The following PRDM10 variants were observed in gnomAD, a reference collection of about 807,000 sequenced individuals.
PRDM10 encodes the protein PR domain zinc finger protein 10.
In PRDM10, 65 loss-of-function variants were observed where a neutral mutation model predicts 133.1. That is an observed-to-expected ratio of 0.49 (90% CI 0.40 to 0.60). The LOEUF is 0.60. Ranked by LOEUF, PRDM10 falls within the 20% of genes least tolerant of loss-of-function variation. The pLI is 0.00. For missense variants in PRDM10, 1,137 were observed against 1,507.1 expected (o/e 0.75, Z 4.07); for synonymous variants, 582 against 580.4 (o/e 1.00, Z -0.04).
At chr11:129,935,043 A>G in intron 9 of PRDM10, 58 bp downstream of exon 9, 2 of 1,438,200 alleles carry the variant, frequency 1.4e-6, no homozygotes, top group South Asian at 1.1e-5. Context: ...TGGACAATAT[A>G]GAAATGATTC....
chr11:129,913,919 A>G (rs1345335248), intron 17 of PRDM10, among the ~76,000 whole-genome samples: 1 of 152,238 alleles, frequency 6.6e-6, no homozygotes, highest in Non-Finnish European at 1.5e-5. Context: ...TTAGTTCCTT[A>G]GTCAATAAGA....
Position 129,960,970 on chromosome 11 carries a change from C to T in PRDM10, c.-6G>A. 1 of 1,614,054 alleles carries T rather than the reference C, an allele frequency of 6.2e-7. No individual in the cohort carries two copies. Among genetic ancestry groups the T allele is most frequent in the Non-Finnish European group, 8.5e-7 (1 of 1,179,994 alleles). ...CTTTCATCTTTGGAATCCATCTTCT[C>T]CCAACTGGACAGCTCCACGTCTGGC... is the stretch of plus-strand genomic sequence containing the variant. On this transcript the variant is annotated 5_prime_UTR_variant, in exon 2 of 21. Coordinates refer to ENST00000360871, the MANE Select transcript of PRDM10 (RefSeq NM_199437.2).
chr11:129,909,333 C>T (rs1327921423), intron 19 of PRDM10, among the ~76,000 whole-genome samples: 1 of 151,672 alleles, frequency 6.6e-6, no homozygotes, highest in Non-Finnish European at 1.5e-5. Flanking sequence ...GCCTGTAATC[C>T]CAGCTACTCA....
chr11:130,000,768 T>C (rs1939310899), intron 1 of PRDM10, among the ~76,000 whole-genome samples: 1 of 152,200 alleles, frequency 6.6e-6, no homozygotes, highest in South Asian at 2.1e-4. Context: ...CTGTTCACTT[T>C]AAAATGGTTC....
At position 129,917,960 on chromosome 11, in the gene PRDM10, G is replaced by A. The variant is rs571906214; in HGVS notation, c.2214+579C>T. Among the ~76,000 whole-genome samples the A allele has an allele frequency of 5.9e-5, 9 of 152,166 alleles. No individual in the cohort carries two copies. The South Asian group carries it at 8.3e-4, about 14-fold the overall frequency. On this transcript the variant is annotated intron_variant, in intron 14 of 20. Transcript: ENST00000360871. ...AGCCTTGCCAAAATGGTGAAACCCC[G>A]TGTCTACTAAAAATACAAAAATTAG...
At chr11:129,915,080 A>C in intron 16 of PRDM10, 62 bp from the exon 17 acceptor site, 3 of 1,492,858 alleles carry the variant, frequency 2.0e-6, no homozygotes, top group Non-Finnish European at 2.7e-6. Flanking sequence ...CGTTTTTCTC[A>C]TATGTAAATC....
chr11:129,986,922 G>A (rs534234651), intron 1 of PRDM10, among the ~76,000 whole-genome samples: 1 of 152,288 alleles, frequency 6.6e-6, no homozygotes, highest in East Asian at 1.9e-4. Context: ...ACACTCAACA[G>A]TGCTCATTGT....
intron 1 of PRDM10, among the ~76,000 whole-genome samples, chr11:129,965,210 C>T (rs1951880262): frequency 2.0e-5 from 3 of 151,504 alleles, no homozygotes. Flanking sequence ...CACTGCACTC[C>T]AGCCTGGGCG....
intron 9 of PRDM10, among the ~76,000 whole-genome samples, chr11:129,932,766 T>C: frequency 6.6e-6 from 1 of 150,512 alleles, no homozygotes; most frequent in Non-Finnish European, 1.5e-5. Context: ...TTAATGGACT[T>C]TTTTTTTTTC....
chr11:129,913,264 G>A (rs1310475682), intron 17 of PRDM10, among the ~76,000 whole-genome samples: 2 of 147,458 alleles, frequency 1.4e-5, no homozygotes, highest in East Asian at 2.0e-4. Context: ...CCCAATATAT[G>A]CCAACAGAAA....
chr11:129,977,518 A>G (rs1937846501), intron 1 of PRDM10, among the ~76,000 whole-genome samples: 1 of 152,098 alleles, frequency 6.6e-6, no homozygotes. Context: ...TCCTGACCTC[A>G]TGATCTGCCC....
chr11:129,899,716 T>TATTA lies in PRDM10; in HGVS notation c.*2596_*2597insTAAT, dbSNP rs1949791803. 2 of 152,500 alleles carry TATTA rather than the reference T, an allele frequency of 1.3e-5. No individual in the cohort carries two copies. The highest frequency in any genetic ancestry group is 4.1e-4 in the South Asian group (2 of 4,838). 9.4% of individuals were successfully genotyped at this position (152,500 alleles called of 1,614,324 possible). A position where few individuals can be genotyped will look rare whatever the true frequency, so the allele number is the denominator to read the frequency against. On this transcript the variant is annotated 3_prime_UTR_variant, in exon 21 of 21. Coordinates refer to ENST00000360871, the MANE Select transcript of PRDM10 (RefSeq NM_199437.2). ...AGAAAAAAAAATAGCTCTTGTAGCT[T>TATTA]CACACATACAAACATGTTTATTAAA... is the stretch of plus-strand genomic sequence containing the variant.
At chr11:129,998,819 C>CT (rs11461594) in intron 1 of PRDM10, among the ~76,000 whole-genome samples, 6,027 of 136,130 alleles carry the variant, frequency 0.044, 272 homozygotes, top group African/African-American at 0.11. Flanking sequence ...GGTGTAATAA[C>CT]TTTTTTTTTT....
At chr11:129,958,036 C>A in intron 2 of PRDM10, 126 bp from the exon 3 acceptor site, 1 of 1,101,306 alleles carries the variant, frequency 9.1e-7, no homozygotes, top group Non-Finnish European at 1.3e-6. Context: ...TTGTCTACAC[C>A]GAGGTGGTGA....
At chr11:129,929,558 A>G (rs891060570) in intron 11 of PRDM10, 13 of 743,886 alleles carry the variant, frequency 1.7e-5, no homozygotes, top group Middle Eastern at 4.9e-4. Flanking sequence ...AATGTGTGAG[A>G]GAAAAAAAAA....
chr11:129,979,564 C>T (rs1937987032), intron 1 of PRDM10, among the ~76,000 whole-genome samples: 1 of 152,196 alleles, frequency 6.6e-6, no homozygotes, highest in Non-Finnish European at 1.5e-5. Flanking sequence ...ATCTTCTACT[C>T]CAGTTCCTGT....
intron 3 of PRDM10, among the ~76,000 whole-genome samples, chr11:129,956,256 T>C (rs751008455): frequency 4.6e-5 from 7 of 152,212 alleles, no homozygotes; most frequent in Non-Finnish European, 8.8e-5. Flanking sequence ...AATGTCAAAA[T>C]GTCCTTTCTT....
chr11:129,933,765 G>C (rs1267033232), intron 9 of PRDM10, among the ~76,000 whole-genome samples: 1 of 152,112 alleles, frequency 6.6e-6, no homozygotes, highest in East Asian at 1.9e-4. Context: ...CAGAGTTTTG[G>C]AGATTCCCAG....
chr11:129,969,103 GA>G (rs1242836531), intron 1 of PRDM10, among the ~76,000 whole-genome samples: 1 of 152,176 alleles, frequency 6.6e-6, no homozygotes, highest in African/African-American at 2.4e-5. Context: ...TCCTCTAGGG[GA>G]AAAGGCTTAG....
Sources: allele counts gnomAD v4.1 joint callset (sites outside exome capture counted in the v4.1 genomes callset), GRCh38; gene constraint gnomAD v4.1.1; transcripts MANE v1.5; gene names NCBI Gene and HGNC (gene_info 2026-07-23, HGNC 2026-07-21).